ABR: variants seen among roughly 807,000 people sequenced by gnomAD.
ABR encodes ABR activator of RhoGEF and GTPase, also known as active breakpoint cluster region-related protein.
A neutral mutation model predicts 107.2 loss-of-function variants in ABR; 35 were observed. That is an observed-to-expected ratio of 0.33 (90% CI 0.25 to 0.43). The LOEUF (loss-of-function observed/expected upper bound fraction) is 0.43. Among genes scored for constraint, ABR ranks in the 20% least tolerant of loss-of-function variants. The pLI is 1.00. For synonymous variants in ABR, 498 were observed against 462.0 expected (o/e 1.08, Z -1.00); for missense variants, 815 against 1,115.2 (o/e 0.73, Z 3.83).
At position 1,092,854 on chromosome 17, in the gene ABR, G is replaced by T. The variant is rs980820693; in HGVS notation, c.346-1004C>A. On this transcript the variant is annotated intron_variant, in intron 3 of 22. Transcript: ENST00000302538. This position sits in a 1 kb window ranked among gnomAD's most constrained non-coding sequence, Gnocchi z 4.6. ...GTCGAATTCTTTTTTTTTTGGAGAC[G>T]GAGTCTCGCTCTGTCGCCCAGGCTG... is the stretch of plus-strand genomic sequence containing the variant. 6.6e-6 allele frequency among the ~76,000 whole-genome samples: 1 copy of T among 150,952 alleles called. No homozygotes were observed. Among genetic ancestry groups the T allele is most frequent in the African/African-American group, 2.4e-5 (1 of 41,156 alleles).
At chr17:1,093,110 C>T (rs1002526064) in intron 3 of ABR, among the ~76,000 whole-genome samples, 2 of 151,788 alleles carry the variant, frequency 1.3e-5, no homozygotes, top group East Asian at 2.0e-4. Context: ...CGTGAGCCAC[C>T]GCGCCCGGCC....
intron 2 of ABR, among the ~76,000 whole-genome samples, chr17:1,115,740 C>T (rs1278854057): frequency 6.6e-6 from 1 of 151,628 alleles, no homozygotes; most frequent in Non-Finnish European, 1.5e-5. Flanking sequence ...GCCTGGCCAA[C>T]GTGGTGAAAC....
At chr17:1,162,862 A>G (rs952924569) in intron 1 of ABR, among the ~76,000 whole-genome samples, 1 of 152,212 alleles carries the variant, frequency 6.6e-6, no homozygotes, top group Non-Finnish European at 1.5e-5. Flanking sequence ...TCACGAGGTC[A>G]GGAGTTTGAG....
intron 6 of ABR, among the ~76,000 whole-genome samples, chr17:1,077,107 G>A (rs1300987490): frequency 1.3e-5 from 2 of 152,220 alleles, no homozygotes; most frequent in Admixed American, 1.3e-4. Context: ...CCAGAGACTT[G>A]TGGCTACAAG....
chr17:1,079,248 A>G, intron 6 of ABR, 82 bp downstream of exon 6: 1 of 1,544,640 alleles, frequency 6.5e-7, no homozygotes, highest in East Asian at 2.4e-5. Flanking sequence ...CACAAGGGGA[A>G]GGGCGCCGCG....
At position 1,215,545 on chromosome 17, in the gene ABR, A is replaced by G. The variant is rs866781419; in HGVS notation, c.838+13248T>C. 7.9e-4 allele frequency among the ~76,000 whole-genome samples: 120 copies of G among 152,216 alleles called. 1 individual carries two copies. In the Middle Eastern group the frequency reaches 0.017, roughly 22 times the overall value. On this transcript the variant is annotated intron_variant, in intron 1 of 22. Coordinates refer to the ABR transcript ENST00000574139. ...CGGAGTCTCGTTCACTGAGTGCTCAATGGTGCCCAGGCTGGAGTGCAGTGG... is the reference window on the plus strand; with the variant it reads ...CGGAGTCTCGTTCACTGAGTGCTCAGTGGTGCCCAGGCTGGAGTGCAGTGG...
chr17:1,192,369 A>T (rs1358333817), intron 1 of ABR, among the ~76,000 whole-genome samples: 1 of 140,442 alleles, frequency 7.1e-6, no homozygotes, highest in Admixed American at 7.3e-5. Flanking sequence ...AATAGACTTC[A>T]GACATGCCCA....
At position 1,125,254 on chromosome 17, in the gene ABR, G is replaced by A. The variant is rs1301700003; in HGVS notation, c.175C>T (p.Gln59Ter). 1 of 1,613,250 alleles carries A rather than the reference G, an allele frequency of 6.2e-7. No individual in the cohort carries two copies. Residue 59 changes from glutamine (Q) to a stop codon, truncating the protein, a stop_gained, in exon 2 of 23, where the codon CAG (glutamine) becomes TAG (stop). Transcript: ENST00000302538. LOFTEE classifies it high-confidence loss of function. ...YIDESPTMSP[Q>*]LSARSQGGGD... ...CCGCCCTGGCTGCGGGCGCTGAGCTGCGGGGACATGGTGGGCGACTCATCG... is the reference window on the plus strand; with the variant it reads ...CCGCCCTGGCTGCGGGCGCTGAGCTACGGGGACATGGTGGGCGACTCATCG...
Position 1,037,682 on chromosome 17 carries a change from T to A in ABR, c.1791+12368A>T, listed in dbSNP as rs745286. ...GCTCCTCCTCCCGGGAAGGAGGGGG[T>A]GTGGCCGGGTCTCCCAGCACAGCCA... On this transcript the variant is annotated intron_variant, in intron 16 of 22. Coordinates refer to ENST00000302538, the MANE Select transcript of ABR (RefSeq NM_021962.5). The surrounding 1 kb of genome is among the most constrained non-coding windows in gnomAD (Gnocchi z 4.6). Among the ~76,000 whole-genome samples, 1 of 151,778 alleles carries A rather than the reference T, an allele frequency of 6.6e-6. No homozygotes were observed. The highest frequency in any genetic ancestry group is 2.1e-4 in the South Asian group (1 of 4,818).
chr17:1,107,402 T>C (rs530148225), intron 2 of ABR, among the ~76,000 whole-genome samples: 1 of 152,364 alleles, frequency 6.6e-6, no homozygotes, highest in Admixed American at 6.5e-5. Flanking sequence ...GCAATGAATA[T>C]GACATGGTCC....
chr17:1,176,875 A>AAAAAAAG (rs1320349803), intron 1 of ABR, among the ~76,000 whole-genome samples: 1 of 150,682 alleles, frequency 6.6e-6, no homozygotes, highest in Non-Finnish European at 1.5e-5. Context: ...AAAACAAAAA[A>AAAAAAAG]AAAAAAGAAA....
chr17:1,189,350 C>A (rs569555765), upstream of ABR, among the ~76,000 whole-genome samples: 1 of 137,690 alleles, frequency 7.3e-6, no homozygotes, highest in African/African-American at 2.7e-5. Context: ...CTATGGCTTC[C>A]TTTTTTTTTT....
At chr17:1,030,444 C>T (rs1278071917) in intron 16 of ABR, among the ~76,000 whole-genome samples, 1 of 152,208 alleles carries the variant, frequency 6.6e-6, no homozygotes, top group Non-Finnish European at 1.5e-5. Context: ...CAGACAGCTG[C>T]CTCAGCACAG....
At chr17:1,108,897 G>A (rs753324415) in intron 2 of ABR, 2 of 1,546,950 alleles carry the variant, frequency 1.3e-6, no homozygotes, top group Non-Finnish European at 8.7e-7. Flanking sequence ...GCGCCGGCCC[G>A]GCCCCCCCCA....
chr17:1,046,194 CGGGGTTT>C (rs1271734864), intron 16 of ABR, among the ~76,000 whole-genome samples: 4 of 141,580 alleles, frequency 2.8e-5, no homozygotes, highest in Admixed American at 7.3e-5. Flanking sequence ...CTAGTAGAGA[CGGGGTTT>C]CGCCATGTTG....
intron 2 of ABR, among the ~76,000 whole-genome samples, chr17:1,121,943 C>T (rs1040552079): frequency 6.6e-6 from 1 of 152,200 alleles, no homozygotes; most frequent in Non-Finnish European, 1.5e-5. Flanking sequence ...CGCTTTGTCA[C>T]CCAGGCTGGA....
At chr17:1,031,540 C>G (rs1280371739) in intron 16 of ABR, 3 of 498,374 alleles carry the variant, frequency 6.0e-6, no homozygotes, top group Non-Finnish European at 9.0e-6. Context: ...CGCAGCCCCC[C>G]GAGCCCCGCA....
rs926502302 is a variant in ABR, at chr17:1,179,931, C to G, written c.-204G>C. 4 of 278,754 alleles carry G rather than the reference C, an allele frequency of 1.4e-5. No homozygotes were observed. In the Admixed American group the frequency reaches 2.3e-4, roughly 16 times the overall value. 17.3% of individuals were successfully genotyped at this position (278,754 alleles called of 1,614,324 possible). On this transcript the variant is annotated 5_prime_UTR_variant, in exon 1 of 23. Coordinates refer to ENST00000302538, the MANE Select transcript of ABR (RefSeq NM_021962.5). The surrounding 1 kb of genome is among the most constrained non-coding windows in gnomAD (Gnocchi z 4.9). ...CCCCCAAAACCCTCCCGAACCCTCC[C>G]GGCCCCAGCGGCCGCGCCGAGCCCA...
chr17:1,006,344 G>T (rs2070032289), intron 22 of ABR, among the ~76,000 whole-genome samples, 175 bp from the exon 23 acceptor site: 1 of 152,218 alleles, frequency 6.6e-6, no homozygotes, highest in Non-Finnish European at 1.5e-5. Context: ...GGGGCAGAGG[G>T]TCGGGGGCCT....
Sources: allele counts gnomAD v4.1 joint callset (sites outside exome capture counted in the v4.1 genomes callset), GRCh38; gene constraint gnomAD v4.1.1; non-coding constraint Gnocchi (gnomAD v3.1); transcripts MANE v1.5; gene names NCBI Gene and HGNC (gene_info 2026-07-23, HGNC 2026-07-21).